The following PFKFB3 variants were observed in gnomAD, a reference collection of about 807,000 sequenced individuals.
PFKFB3 encodes 6-phosphofructo-2-kinase/fructose-2,6-biphosphatase 3, also known as 6-phosphofructo-2-kinase/fructose-2,6-bisphosphatase 3.
A neutral mutation model predicts 68.0 loss-of-function variants in PFKFB3; 33 were observed. The observed-to-expected ratio is 0.49, with a 90% CI of 0.37 to 0.65. The LOEUF is 0.65. PFKFB3 is among the 30% of genes least tolerant of loss of function. PFKFB3 has a pLI of 0.00. For synonymous variants in PFKFB3, 315 were observed against 288.2 expected, an observed-to-expected ratio of 1.09 and a Z score of -0.94; for missense variants, 586 against 712.2, an observed-to-expected ratio of 0.82 and a Z score of 2.02.
rs757265156 is a variant in PFKFB3 at position 6,229,092 on chromosome 10, T to C, written c.1515+2727T>C. On this transcript the variant is annotated intron_variant, in intron 14 of 14. Coordinates refer to ENST00000379775, the MANE Select transcript of PFKFB3 (RefSeq NM_004566.4). The surrounding 1 kb of genome is among the most constrained non-coding windows in gnomAD (Gnocchi z 4.3). ...TTTCCTGTTTGCTCCTTAAGTTACC[T>C]TAACTACTTTATGCAGAAACTGGAA... 7.6e-6 allele frequency: 4 copies of C among 529,474 alleles called. No individual in the cohort carries two copies. Among genetic ancestry groups the C allele is most frequent in the African/African-American group, 1.9e-5 (1 of 51,442 alleles). The allele number at this position is 529,474 out of a possible 1,614,324, so 32.8% of individuals were successfully genotyped here.
At chr10:6,211,580 C>T (rs1283673738) in intron 1 of PFKFB3, among the ~76,000 whole-genome samples, 1 of 152,162 alleles carries the variant, frequency 6.6e-6, no homozygotes, top group African/African-American at 2.4e-5. Context: ...CACTGGCTTT[C>T]GGGGAGGCCA....
At chr10:6,183,321 T>G (rs1453263295) in intron 1 of PFKFB3, among the ~76,000 whole-genome samples, 3 of 152,184 alleles carry the variant, frequency 2.0e-5, no homozygotes, top group African/African-American at 7.2e-5. Flanking sequence ...ACTATTTTTT[T>G]GCTCACAAAT....
chr10:6,285,522 T>C, the PFKFB3 span, among the ~76,000 whole-genome samples: 1 of 152,124 alleles, frequency 6.6e-6, no homozygotes, highest in Non-Finnish European at 1.5e-5. Context: ...CATGAGCCAC[T>C]GCGCCCAGCT....
chr10:6,286,561 A>G, the PFKFB3 span, among the ~76,000 whole-genome samples: 2 of 151,382 alleles, frequency 1.3e-5, no homozygotes, highest in African/African-American at 4.9e-5. Context: ...TATTTTTAGT[A>G]AAGATGGGGT....
chr10:6,259,344 A>G (rs1400885110), downstream of PFKFB3, among the ~76,000 whole-genome samples: 1 of 143,798 alleles, frequency 7.0e-6, no homozygotes, highest in South Asian at 2.2e-4. Context: ...ACATCCATCC[A>G]TCTACCCATC....
chr10:6,180,716 C>T (rs1253230307), intron 1 of PFKFB3, among the ~76,000 whole-genome samples: 4 of 152,214 alleles, frequency 2.6e-5, no homozygotes, highest in Non-Finnish European at 5.9e-5. Context: ...CCTCTCACCT[C>T]ACCTTCCAAA....
the PFKFB3 span, among the ~76,000 whole-genome samples, chr10:6,273,373 G>A: frequency 5.3e-5 from 8 of 152,240 alleles, no homozygotes; most frequent in Admixed American, 1.3e-4. Flanking sequence ...GGTGAAAAGC[G>A]TTGCCTTCCC....
chr10:6,244,994 A>AAAC (rs1846223813), intron 14 of PFKFB3, among the ~76,000 whole-genome samples: 1 of 152,232 alleles, frequency 6.6e-6, no homozygotes, highest in Admixed American at 6.5e-5. Context: ...CTGCAAGTTT[A>AAAC]AACTCCACCA....
chr10:6,217,132 C>T lies in PFKFB3; in HGVS notation c.442-3C>T, dbSNP rs760463182. 1 of 1,614,058 alleles carries T rather than the reference C, an allele frequency of 6.2e-7. No individual in the cohort carries two copies. ...TCTAACATCCCCACCTCACTTCCAC[C>T]AGGCGTTTTTCATCGAGTCGGTGTG... is the stretch of plus-strand genomic sequence containing the variant. On this transcript the variant is annotated splice_region_variant and splice_polypyrimidine_tract_variant and intron_variant, in intron 5 of 14. Transcript: ENST00000379775.
chr10:6,203,675 C>T (rs373222126), intron 1 of PFKFB3, among the ~76,000 whole-genome samples: 5 of 151,974 alleles, frequency 3.3e-5, no homozygotes, highest in East Asian at 3.9e-4. Flanking sequence ...CGGCCGTCGC[C>T]GGAGCGCAGC....
At chr10:6,177,384 C>CT (rs1297789274) in intron 1 of PFKFB3, among the ~76,000 whole-genome samples, 1 of 111,750 alleles carries the variant, frequency 8.9e-6, no homozygotes, top group African/African-American at 2.8e-5. Flanking sequence ...TTCTTTCTTT[C>CT]TTTCTTTCTT....
the PFKFB3 span, among the ~76,000 whole-genome samples, chr10:6,286,293 A>C: frequency 3.3e-5 from 5 of 149,868 alleles, no homozygotes; most frequent in Non-Finnish European, 5.9e-5. Context: ...CTTTTAATCT[A>C]TTTATATCTT....
At chr10:6,182,380 A>C (rs1413430448) in intron 1 of PFKFB3, among the ~76,000 whole-genome samples, 1 of 152,080 alleles carries the variant, frequency 6.6e-6, no homozygotes, top group African/African-American at 2.4e-5. Context: ...TGTCACAAAC[A>C]AGTTGTCCTG....
At chr10:6,156,096 C>T (rs567612681) in intron 1 of PFKFB3, among the ~76,000 whole-genome samples, 2 of 150,550 alleles carry the variant, frequency 1.3e-5, no homozygotes, top group East Asian at 3.9e-4. Context: ...GTTTAGCTCC[C>T]AAAGAAGAGA....
intron 1 of PFKFB3, among the ~76,000 whole-genome samples, chr10:6,163,350 CTTTT>C (rs979065191): frequency 1.3e-5 from 2 of 152,204 alleles, no homozygotes; most frequent in Admixed American, 6.5e-5. Context: ...GTGTATATTA[CTTTT>C]TTTAATAACA....
intron 1 of PFKFB3, among the ~76,000 whole-genome samples, chr10:6,206,576 AGGGGCT>A (rs1843728108): frequency 7.5e-6 from 1 of 134,022 alleles, no homozygotes; most frequent in Non-Finnish European, 1.6e-5. Context: ...CTGGCCGGGC[AGGGGCT>A]GACCCCCCCA....
chr10:6,264,042 G>C, the PFKFB3 span, among the ~76,000 whole-genome samples: 3 of 152,196 alleles, frequency 2.0e-5, no homozygotes, highest in African/African-American at 7.2e-5. Context: ...CCTAAAACCT[G>C]CCTGGAATTG....
the PFKFB3 span, among the ~76,000 whole-genome samples, chr10:6,274,697 T>C: frequency 4.6e-5 from 7 of 151,948 alleles, no homozygotes; most frequent in African/African-American, 7.3e-5. Context: ...ATTAGCTGGG[T>C]GTGGTGGCAC....
At chr10:6,147,471 G>T (rs903062748) in intron 1 of PFKFB3, among the ~76,000 whole-genome samples, 6 of 152,172 alleles carry the variant, frequency 3.9e-5, no homozygotes, top group Non-Finnish European at 1.5e-5. Context: ...GCTCCGTCAG[G>T]GGCCCAGCGG....
Sources: allele counts gnomAD v4.1 joint callset (sites outside exome capture counted in the v4.1 genomes callset), GRCh38; gene constraint gnomAD v4.1.1; non-coding constraint Gnocchi (gnomAD v3.1); transcripts MANE v1.5; gene names NCBI Gene and HGNC (gene_info 2026-07-23, HGNC 2026-07-21).